Variants in PXT1 observed in about 807,000 individuals in gnomAD.
The protein encoded by PXT1 is peroxisomal testis enriched protein 1.
PXT1 carries 11 observed loss-of-function variants against 11.0 expected under a neutral mutation model. The observed-to-expected ratio is 1.00, with a 90% CI of 0.63 to 1.66. The LOEUF is 1.66. Among genes scored for constraint, PXT1 ranks in the 40% most tolerant of loss-of-function variants. The pLI, the probability that PXT1 is intolerant of heterozygous loss-of-function variation, is 0.00. For synonymous variants in PXT1, 43 were observed against 51.4 expected, an observed-to-expected ratio of 0.84 and a Z score of 0.70; for missense variants, 141 against 155.5, an observed-to-expected ratio of 0.91 and a Z score of 0.49.
chr6:36,424,998 T>C (rs1437785155), intron 3 of PXT1, among the ~76,000 whole-genome samples: 2 of 152,240 alleles, frequency 1.3e-5, no homozygotes, highest in Admixed American at 1.3e-4. Flanking sequence ...TGTAATTCTT[T>C]TAAAATTAGA....
chr6:36,425,805 A>AATATATATAT (rs148236984), intron 3 of PXT1, 109 bp downstream of exon 3: 2 of 335,612 alleles, frequency 6.0e-6, no homozygotes, highest in Non-Finnish European at 1.0e-5. Context: ...AAAAACAAAA[A>AATATATATAT]ATATATATAT....
At chr6:36,432,906 A>C (rs1430308867) in intron 2 of PXT1, among the ~76,000 whole-genome samples, 1 of 152,010 alleles carries the variant, frequency 6.6e-6, no homozygotes, top group Non-Finnish European at 1.5e-5. Flanking sequence ...AGAACTTCAT[A>C]ACCAGGTTCT....
chr6:36,440,837 T>C (rs1475031010), intron 1 of PXT1, among the ~76,000 whole-genome samples: 1 of 152,212 alleles, frequency 6.6e-6, no homozygotes, highest in Non-Finnish European at 1.5e-5. Flanking sequence ...ATCACTTATT[T>C]ATTTTGGATG....
At chr6:36,413,401 A>G (rs1401983138) in intron 3 of PXT1, among the ~76,000 whole-genome samples, 1 of 146,954 alleles carries the variant, frequency 6.8e-6, no homozygotes, top group Non-Finnish European at 1.5e-5. Context: ...TAGGTGACAG[A>G]GCGAGACTCC....
At chr6:36,416,186 A>G (rs1010381202) in intron 3 of PXT1, among the ~76,000 whole-genome samples, 1 of 151,896 alleles carries the variant, frequency 6.6e-6, no homozygotes, top group Non-Finnish European at 1.5e-5. Flanking sequence ...AAAAGAAAAG[A>G]AAAGAAAAGA....
At chr6:36,436,903 T>C (rs779577996) in intron 2 of PXT1, among the ~76,000 whole-genome samples, 22 of 152,146 alleles carry the variant, frequency 1.4e-4, no homozygotes, top group Non-Finnish European at 2.6e-4. Context: ...ATTTGATAAG[T>C]AGGCTTCAAC....
At chr6:36,400,381 A>C (rs1774195955) in intron 4 of PXT1, 73 bp downstream of exon 4, 1 of 1,551,502 alleles carries the variant, frequency 6.4e-7, no homozygotes, top group Admixed American at 1.7e-5. Flanking sequence ...CATCTCAGAC[A>C]CTTGGCAGCC....
At chr6:36,410,498 G>C (rs1774357276) in intron 3 of PXT1, among the ~76,000 whole-genome samples, 1 of 150,604 alleles carries the variant, frequency 6.6e-6, no homozygotes. Flanking sequence ...GGGAGGAAGA[G>C]AGGAAGGAAG....
chr6:36,392,303 T>C (rs1774081225), intron 4 of PXT1, among the ~76,000 whole-genome samples: 1 of 152,236 alleles, frequency 6.6e-6, no homozygotes, highest in African/African-American at 2.4e-5. Flanking sequence ...GCTGATAACC[T>C]ATTCCCCTGG....
intron 3 of PXT1, among the ~76,000 whole-genome samples, chr6:36,413,367 A>C (rs1000682415): frequency 1.2e-4 from 19 of 152,044 alleles, no homozygotes; most frequent in Non-Finnish European, 2.4e-4. Context: ...CAGTGAGCAG[A>C]GATGTCTCCA....
In PXT1 at chr6:36,390,824, A is replaced by G. The variant is rs1434568140; in HGVS notation, c.*946T>C. The G allele has an allele frequency of 6.6e-6, 1 of 152,230 alleles. No homozygotes were observed. Among genetic ancestry groups the G allele is most frequent in the Non-Finnish European group, 1.5e-5 (1 of 68,068 alleles). The allele number at this position is 152,230 out of a possible 1,614,324, so 9.4% of individuals were successfully genotyped here. A position where few individuals can be genotyped will look rare whatever the true frequency, so the allele number is the denominator to read the frequency against. On this transcript the variant is annotated 3_prime_UTR_variant, in exon 5 of 5. Transcript: ENST00000454782. Reference sequence around the variant, plus strand: ...ACAGGCAAAGGGCCCACCAACCAATAATAGCAAAACCATCCAGCAATAGGA... The same window carrying G: ...ACAGGCAAAGGGCCCACCAACCAATGATAGCAAAACCATCCAGCAATAGGA...
chr6:36,418,963 A>G (rs1432861854), intron 3 of PXT1, among the ~76,000 whole-genome samples: 1 of 152,222 alleles, frequency 6.6e-6, no homozygotes, highest in South Asian at 2.1e-4. Context: ...AGCCAAGGGT[A>G]AGTCCCTAAG....
intron 4 of PXT1, among the ~76,000 whole-genome samples, chr6:36,396,620 T>G (rs1227072662): frequency 8.5e-5 from 13 of 152,178 alleles, no homozygotes; most frequent in African/African-American, 3.1e-4. Context: ...AGGCTGCCAG[T>G]CCTGTGGACC....
At chr6:36,425,828 A>ATATG in intron 3 of PXT1, 86 bp downstream of exon 3, 1 of 547,666 alleles carries the variant, frequency 1.8e-6, no homozygotes. Context: ...ATATATATAT[A>ATATG]TTTAATGTCC....
chr6:36,423,029 T>C (rs1321150230), intron 3 of PXT1, among the ~76,000 whole-genome samples: 1 of 150,396 alleles, frequency 6.6e-6, no homozygotes, highest in Non-Finnish European at 1.5e-5. Context: ...CCTCAACTCT[T>C]CTAAGAAAAT....
At chr6:36,435,500 C>T (rs563662857) in intron 2 of PXT1, among the ~76,000 whole-genome samples, 7 of 152,110 alleles carry the variant, frequency 4.6e-5, no homozygotes, top group South Asian at 2.1e-4. Flanking sequence ...AGTTCCAGGC[C>T]GCAGTGAGCT....
chr6:36,420,515 G>A (rs1774508994), intron 3 of PXT1, among the ~76,000 whole-genome samples: 1 of 152,154 alleles, frequency 6.6e-6, no homozygotes, highest in Non-Finnish European at 1.5e-5. Context: ...ATTCTGGAAA[G>A]ATACCTGAGA....
intron 3 of PXT1, among the ~76,000 whole-genome samples, chr6:36,402,956 T>C (rs1582250610): frequency 1.3e-5 from 2 of 151,680 alleles, no homozygotes; most frequent in African/African-American, 2.4e-5. Flanking sequence ...TCTTTCTTTT[T>C]TTTTTTTTTG....
Position 36,394,588 on chromosome 6 carries a change from G to A in PXT1, c.301-2714C>T, listed in dbSNP as rs187638671. Among the ~76,000 whole-genome samples, 57 of 152,144 alleles carry A rather than the reference G, an allele frequency of 3.7e-4. 1 individual carries two copies. The East Asian group carries it at 8.3e-3, about 22-fold the overall frequency. Reference sequence around the variant, plus strand: ...GTTGGGGCATAGAGACAGGGGCGTAGGGACAGGGAGGGAGGAGTTTCCAGA... The same window carrying A: ...GTTGGGGCATAGAGACAGGGGCGTAAGGACAGGGAGGGAGGAGTTTCCAGA... On this transcript the variant is annotated intron_variant, in intron 4 of 4. Coordinates refer to ENST00000454782, the MANE Select transcript of PXT1 (RefSeq NM_152990.4).
Sources: allele counts gnomAD v4.1 joint callset (sites outside exome capture counted in the v4.1 genomes callset), GRCh38; gene constraint gnomAD v4.1.1; transcripts MANE v1.5; gene names NCBI Gene and HGNC (gene_info 2026-07-23, HGNC 2026-07-21).